The following PECR variants were observed in gnomAD, a reference collection of about 807,000 sequenced individuals.
PECR encodes the protein peroxisomal trans-2-enoyl-CoA reductase.
In PECR, 30 loss-of-function variants were observed where a neutral mutation model predicts 35.3. That is an observed-to-expected ratio of 0.85 (90% confidence interval 0.64 to 1.15). The LOEUF (loss-of-function observed/expected upper bound fraction) is 1.15, where lower values mean the gene tolerates loss of function less well. PECR is among the 50% of genes most tolerant of loss of function. The pLI is 0.00. For missense variants in PECR, 392 were observed against 370.8 expected (o/e 1.06, Z -0.47); for synonymous variants, 148 against 138.9 (o/e 1.07, Z -0.46).
chr2:216,065,319 G>C lies in PECR; in HGVS notation c.417C>G (p.Cys139Trp). ...ETNLTGTFYM[C>W]KAVYSSWMKE... ...GATACTGATGGTACTTGCCTGCTTT[G>C]CACATGTAGAAGGTACCCGTCAGGT... The change falls in exon 3 of 8, where the codon TGC becomes TGG. Residue 139 changes from cysteine (C) to tryptophan (W), a missense_variant. Transcript: ENST00000265322. 1 of 1,607,716 alleles carries C rather than the reference G, an allele frequency of 6.2e-7. No individual in the cohort carries two copies. Among genetic ancestry groups the C allele is most frequent in the Non-Finnish European group, 8.5e-7 (1 of 1,174,222 alleles).
At chr2:216,067,510 C>T (rs188700850) in intron 1 of PECR, among the ~76,000 whole-genome samples, 4 of 152,178 alleles carry the variant, frequency 2.6e-5, no homozygotes, top group African/African-American at 9.6e-5. Flanking sequence ...TTTCAAGTGA[C>T]CTAACTGTAT....
chr2:216,042,996 CGTATATGTGTATATATATAT>C (rs1694917978), intron 7 of PECR, among the ~76,000 whole-genome samples: 1 of 119,432 alleles, frequency 8.4e-6, no homozygotes, highest in African/African-American at 3.4e-5. Flanking sequence ...TATATACATA[CGTATATGTGTATATATATAT>C]ACACATACGT....
intron 7 of PECR, among the ~76,000 whole-genome samples, chr2:216,032,581 C>T (rs1316547337): frequency 6.6e-6 from 1 of 152,150 alleles, no homozygotes; most frequent in African/African-American, 2.4e-5. Context: ...TAGCTTTACA[C>T]CATCAAACAT....
rs151191129 is a variant in PECR at position 216,079,662 on chromosome 2, C to T, written c.124+1956G>A. Among the ~76,000 whole-genome samples, 575 of 149,168 alleles carry T rather than the reference C, an allele frequency of 3.9e-3. 1 individual carries two copies. Among genetic ancestry groups the T allele is most frequent in the African/African-American group, 0.014 (553 of 40,954 alleles). ...GATTACAGGCATGAGCCACCGTGCC[C>T]GGCCCTGCATGTATATATTTTATTA... On this transcript the variant is annotated intron_variant, in intron 1 of 7. Transcript: ENST00000265322.
intron 1 of PECR, among the ~76,000 whole-genome samples, chr2:216,078,707 A>G (rs1384769426): frequency 6.6e-6 from 1 of 152,178 alleles, no homozygotes; most frequent in Non-Finnish European, 1.5e-5. Flanking sequence ...TTCTCAAAAG[A>G]CACGCCACCA....
intron 1 of PECR, among the ~76,000 whole-genome samples, chr2:216,074,023 A>G: frequency 6.6e-6 from 1 of 152,258 alleles, no homozygotes; most frequent in Admixed American, 6.5e-5. Flanking sequence ...AAAGGAGAGA[A>G]ATAAGCACCC....
intron 1 of PECR, among the ~76,000 whole-genome samples, chr2:216,074,320 G>A (rs1272194315): frequency 1.3e-5 from 2 of 152,100 alleles, no homozygotes; most frequent in African/African-American, 4.8e-5. Flanking sequence ...GGAGGCACAC[G>A]CCTGTAATCC....
chr2:216,051,141 C>G (rs538290444), intron 5 of PECR, among the ~76,000 whole-genome samples: 4 of 151,716 alleles, frequency 2.6e-5, no homozygotes, highest in African/African-American at 9.7e-5. Flanking sequence ...AAAAAATTAG[C>G]TGGGCATGGT....
In PECR at chr2:216,060,528, G is replaced by A. The variant is rs144791139; in HGVS notation, c.425-1552C>T. Among the ~76,000 whole-genome samples the A allele has an allele frequency of 2.4e-3, 373 of 152,266 alleles. 5 individuals are homozygous for A. Among genetic ancestry groups the A allele is most frequent in the African/African-American group, 8.5e-3 (355 of 41,554 alleles). ...AATTAAAAAATTAGCCTGGCATGGT[G>A]TCATGTGCCTATAGTAGCAGCTGCT... On this transcript the variant is annotated intron_variant, in intron 3 of 7. Transcript: ENST00000265322.
At chr2:216,044,865 CAG>C (rs1559208698) in intron 6 of PECR, among the ~76,000 whole-genome samples, 4 of 152,266 alleles carry the variant, frequency 2.6e-5, no homozygotes, top group South Asian at 2.1e-4. Flanking sequence ...TGGGAAGAAG[CAG>C]AGTTTCTCAA....
intron 1 of PECR, among the ~76,000 whole-genome samples, chr2:216,078,290 T>G (rs1695752621): frequency 6.6e-6 from 1 of 151,092 alleles, no homozygotes; most frequent in South Asian, 2.1e-4. Flanking sequence ...AATATGACAA[T>G]GTCGTGGAAA....
At chr2:216,033,143 T>C (rs1246082023) in intron 7 of PECR, among the ~76,000 whole-genome samples, 3 of 152,196 alleles carry the variant, frequency 2.0e-5, no homozygotes, top group African/African-American at 7.2e-5. Flanking sequence ...ATAATATAGC[T>C]GCAGACAGAT....
intron 1 of PECR, among the ~76,000 whole-genome samples, chr2:216,071,574 C>A (rs1409076093): frequency 6.6e-6 from 1 of 152,180 alleles, no homozygotes; most frequent in African/African-American, 2.4e-5. Context: ...CTTCTCCCTT[C>A]GTGGAGAAGG....
intron 4 of PECR, among the ~76,000 whole-genome samples, chr2:216,051,960 G>A (rs1362179595): frequency 6.6e-6 from 1 of 152,204 alleles, no homozygotes; most frequent in African/African-American, 2.4e-5. Flanking sequence ...GCCAAGGCGG[G>A]CGGATCACCT....
At chr2:216,067,401 C>T (rs996985353) in intron 1 of PECR, among the ~76,000 whole-genome samples, 5 of 152,012 alleles carry the variant, frequency 3.3e-5, no homozygotes, top group African/African-American at 9.7e-5. Context: ...ACGGGGCATT[C>T]GGTAAAATAT....
downstream of PECR, chr2:216,033,974 T>C (rs1281018833): frequency 6.6e-6 from 1 of 152,228 alleles, no homozygotes; most frequent in Non-Finnish European, 1.5e-5. Flanking sequence ...TTCCTGAATA[T>C]GGTTTAGAAT....
intron 1 of PECR, among the ~76,000 whole-genome samples, chr2:216,074,441 AAAAAGAAAG>A (rs139561686): frequency 0.099 from 14,834 of 149,954 alleles, 1,427 homozygotes; most frequent in African/African-American, 0.25. Context: ...AGAAAGAAAG[AAAAAGAAAG>A]AAAAGAAAGA....
downstream of PECR, among the ~76,000 whole-genome samples, chr2:216,037,633 C>G (rs1230264695): frequency 1.3e-5 from 2 of 152,156 alleles, no homozygotes; most frequent in Non-Finnish European, 2.9e-5. Context: ...CAATTCTGCA[C>G]TGGCACAAAC....
rs1206329926 is a variant in PECR at position 216,042,989 on chromosome 2, ATACATACGTATATGTG to A, written c.826+899_826+914del. ...CACATACGTATATGTGTATATATATATACATACGTATATGTGTATATATATATACACATACGTATAT... is the reference window on the plus strand; with the variant it reads ...CACATACGTATATGTGTATATATATATATATATATATACACATACGTATAT... On this transcript the variant is annotated intron_variant, in intron 7 of 7. Coordinates refer to ENST00000265322, the MANE Select transcript of PECR (RefSeq NM_018441.6). Among the ~76,000 whole-genome samples the A allele has an allele frequency of 1.0e-4, 14 of 138,032 alleles. 1 individual carries two copies. Among genetic ancestry groups the A allele is most frequent in the African/African-American group, 3.9e-4 (14 of 36,262 alleles). 90.6% of individuals were successfully genotyped at this position (138,032 alleles called of 152,430 possible).
Sources: gnomAD v4.1 joint callset for allele counts (sites outside exome capture counted in the v4.1 genomes callset) on GRCh38, gnomAD v4.1.1 for gene constraint, MANE v1.5 for transcripts, NCBI Gene and HGNC (gene_info 2026-07-23, HGNC 2026-07-21) for gene names.